Variants in CDH8 observed in about 807,000 individuals in gnomAD.
The protein encoded by CDH8 is cadherin 8.
In CDH8, 17 loss-of-function variants were observed where a neutral mutation model predicts 68.1. The observed-to-expected ratio is 0.25, with a 90% CI of 0.17 to 0.37. The LOEUF (loss-of-function observed/expected upper bound fraction) is 0.37. Among genes scored for constraint, CDH8 ranks in the 10% least tolerant of loss-of-function variants. CDH8 has a pLI of 1.00. For missense variants in CDH8, 763 were observed against 999.3 expected (o/e 0.76, Z 3.19); for synonymous variants, 372 against 365.1 (o/e 1.02, Z -0.21).
chr16:61,882,577 T>C (rs1963597977), intron 3 of CDH8, among the ~76,000 whole-genome samples: 1 of 152,168 alleles, frequency 6.6e-6, no homozygotes, highest in Non-Finnish European at 1.5e-5. Flanking sequence ...TGTAGAAACA[T>C]GGATGGAACT....
chr16:61,732,997 T>C (rs1020348079), intron 8 of CDH8, among the ~76,000 whole-genome samples: 1 of 151,734 alleles, frequency 6.6e-6, no homozygotes, highest in Non-Finnish European at 1.5e-5. Context: ...TAACAAAAGC[T>C]ATGAATATAT....
In CDH8 at chr16:61,653,146, C is replaced by A; in HGVS notation, c.*462G>T. The A allele has an allele frequency of 1.6e-6, 2 of 1,234,628 alleles. No individual in the cohort carries two copies. Among genetic ancestry groups the A allele is most frequent in the African/African-American group, 3.1e-5 (2 of 64,466 alleles). The allele number at this position is 1,234,628 out of a possible 1,614,324, so 76.5% of individuals were successfully genotyped here. A position where few individuals can be genotyped will look rare whatever the true frequency, so the allele number is the denominator to read the frequency against. On this transcript the variant is annotated 3_prime_UTR_variant, in exon 12 of 12. Coordinates refer to ENST00000577390, the MANE Select transcript of CDH8 (RefSeq NM_001796.5). ...TACAGCAGACCAAGTATTGCTTTAT[C>A]ATTTGTGGCGGGATCCTTATTGGTG...
intron 8 of CDH8, among the ~76,000 whole-genome samples, chr16:61,779,668 T>A (rs769113330): frequency 4.6e-5 from 7 of 152,188 alleles, no homozygotes; most frequent in South Asian, 2.1e-4. Context: ...TTCTCTATTC[T>A]ATGTTCTTCA....
At chr16:61,784,635 T>C (rs1961185925) in intron 8 of CDH8, among the ~76,000 whole-genome samples, 1 of 140,602 alleles carries the variant, frequency 7.1e-6, no homozygotes, top group South Asian at 2.5e-4. Flanking sequence ...AGAATATACA[T>C]TTTTTTCAGC....
At chr16:61,723,745 G>C (rs1435114063) in intron 9 of CDH8, among the ~76,000 whole-genome samples, 1 of 150,586 alleles carries the variant, frequency 6.6e-6, no homozygotes, top group East Asian at 2.0e-4. Context: ...CAAACTGTCA[G>C]ACATATATTT....
intron 3 of CDH8, among the ~76,000 whole-genome samples, chr16:61,893,782 G>A (rs1963821517): frequency 6.6e-6 from 1 of 152,048 alleles, no homozygotes; most frequent in Non-Finnish European, 1.5e-5. Context: ...AACTCAACCT[G>A]TTATAATTCA....
At chr16:61,826,193 G>GT (rs1962330847) in intron 4 of CDH8, among the ~76,000 whole-genome samples, 1 of 151,802 alleles carries the variant, frequency 6.6e-6, no homozygotes, top group Non-Finnish European at 1.5e-5. Context: ...CACAGGAGAT[G>GT]TTTTTGAAAA....
chr16:61,716,563 C>CACTGT (rs1360862408), intron 9 of CDH8, among the ~76,000 whole-genome samples: 30 of 151,798 alleles, frequency 2.0e-4, no homozygotes, highest in African/African-American at 7.0e-4. Context: ...GTATGAGAAC[C>CACTGT]ACTGTTTTGA....
intron 10 of CDH8, among the ~76,000 whole-genome samples, chr16:61,699,588 A>G (rs1440059961): frequency 6.6e-6 from 1 of 151,792 alleles, no homozygotes; most frequent in East Asian, 1.9e-4. Flanking sequence ...ATTTTATTCT[A>G]TTTTGAGACA....
chr16:61,757,611 A>G (rs1156743363), intron 8 of CDH8, among the ~76,000 whole-genome samples: 1 of 152,102 alleles, frequency 6.6e-6, no homozygotes, highest in Non-Finnish European at 1.5e-5. Flanking sequence ...CACTGTGCTA[A>G]TTTCTAAGCT....
intron 8 of CDH8, among the ~76,000 whole-genome samples, chr16:61,789,091 C>G (rs1038704210): frequency 6.6e-6 from 1 of 151,958 alleles, no homozygotes. Context: ...CTTTAAAATG[C>G]AAAGCATTGT....
intron 8 of CDH8, among the ~76,000 whole-genome samples, chr16:61,768,306 CTCTCCCTT>C (rs1245187084): frequency 2.2e-4 from 30 of 133,490 alleles, no homozygotes; most frequent in Non-Finnish European, 2.4e-4. Flanking sequence ...CTCTCTGTGT[CTCTCCCTT>C]TCTCTCTCTC....
At chr16:61,669,420 T>C (rs1427585838) in intron 10 of CDH8, among the ~76,000 whole-genome samples, 1 of 152,214 alleles carries the variant, frequency 6.6e-6, no homozygotes, top group Middle Eastern at 3.4e-3. Context: ...TGTAAGATCT[T>C]TGGATGCAGA....
chr16:61,986,713 A>G (rs1235573020), intron 2 of CDH8, among the ~76,000 whole-genome samples: 1 of 152,216 alleles, frequency 6.6e-6, no homozygotes, highest in African/African-American at 2.4e-5. Context: ...AGATTAGAGA[A>G]TCAGAATAGG....
At chr16:61,774,154 G>A (rs970117445) in intron 8 of CDH8, among the ~76,000 whole-genome samples, 2 of 151,994 alleles carry the variant, frequency 1.3e-5, no homozygotes, top group African/African-American at 2.4e-5. Context: ...ATACAGATCA[G>A]ACCAACTGAT....
chr16:62,017,501 G>A (rs1901969377), intron 2 of CDH8, among the ~76,000 whole-genome samples: 2 of 152,006 alleles, frequency 1.3e-5, no homozygotes, highest in African/African-American at 4.8e-5. Flanking sequence ...GGAAACACAG[G>A]ATACCCCATC....
chr16:61,762,435 A>G lies in CDH8; in HGVS notation c.1414+26911T>C, dbSNP rs1050560875. On this transcript the variant is annotated intron_variant, in intron 8 of 11. Coordinates refer to ENST00000577390, the MANE Select transcript of CDH8 (RefSeq NM_001796.5). ...TCTAAGTAAAAAACAAAACTTCCTG[A>G]TGACTATTACCTCCCTAAGATTGGA... Among the ~76,000 whole-genome samples, 5 of 152,210 alleles carry G rather than the reference A, an allele frequency of 3.3e-5. 1 individual carries two copies. The highest frequency in any genetic ancestry group is 1.2e-4 in the African/African-American group (5 of 41,462).
chr16:61,878,805 A>T (rs1486696289), intron 3 of CDH8, among the ~76,000 whole-genome samples: 1 of 152,190 alleles, frequency 6.6e-6, no homozygotes, highest in Non-Finnish European at 1.5e-5. Context: ...AATCAGTAGG[A>T]TGTGCAGAGA....
chr16:61,991,080 T>G (rs1965712612), intron 2 of CDH8, among the ~76,000 whole-genome samples: 1 of 152,182 alleles, frequency 6.6e-6, no homozygotes, highest in Admixed American at 6.5e-5. Flanking sequence ...AGTCAGAATT[T>G]GACTCTCACC....
Sources: gnomAD v4.1 joint callset for allele counts (sites outside exome capture counted in the v4.1 genomes callset) on GRCh38, gnomAD v4.1.1 for gene constraint, MANE v1.5 for transcripts, NCBI Gene and HGNC (gene_info 2026-07-23, HGNC 2026-07-21) for gene names.